Variants in NID1 observed in about 807,000 individuals in gnomAD.
NID1 encodes nidogen-1.
NID1 carries 76 observed loss-of-function variants against 130.6 expected under a neutral mutation model. The ratio of observed to expected loss-of-function variants is 0.58; its 90% CI spans 0.48 to 0.70. The LOEUF (loss-of-function observed/expected upper bound fraction) is 0.70. Among genes scored for constraint, NID1 ranks in the 30% least tolerant of loss-of-function variants. The pLI is 0.00. For synonymous variants in NID1, 665 were observed against 675.1 expected, an observed-to-expected ratio of 0.98 and a Z score of 0.23; for missense variants, 1,517 against 1,664.8, an observed-to-expected ratio of 0.91 and a Z score of 1.54.
In NID1 at chr1:235,977,327, CT is replaced by C. The variant is rs1657290506; in HGVS notation, c.*539del. The C allele has an allele frequency of 6.5e-6, 1 of 153,368 alleles. No individual in the cohort carries two copies. Among genetic ancestry groups the C allele is most frequent in the South Asian group, 2.0e-4 (1 of 4,914 alleles). The allele number at this position is 153,368 out of a possible 1,614,324, so 9.5% of individuals were successfully genotyped here. ...TAGACAAGATGATGATGGTGAGGAACTGAGGAGTAAAACTATAGGACTATAA... is the reference window on the plus strand; with the variant it reads ...TAGACAAGATGATGATGGTGAGGAACGAGGAGTAAAACTATAGGACTATAA... On this transcript the variant is annotated 3_prime_UTR_variant, in exon 20 of 20. Transcript: ENST00000264187.
At chr1:235,993,077 G>C (rs1657803389) in intron 13 of NID1, among the ~76,000 whole-genome samples, 1 of 152,224 alleles carries the variant, frequency 6.6e-6, no homozygotes, top group Non-Finnish European at 1.5e-5. Context: ...TGGTCTTAGA[G>C]CCAGCTCATG....
At chr1:236,023,251 A>T (rs1053800422) in intron 9 of NID1, among the ~76,000 whole-genome samples, 1 of 151,946 alleles carries the variant, frequency 6.6e-6, no homozygotes, top group Non-Finnish European at 1.5e-5. Flanking sequence ...ACAAAATGTG[A>T]TATGTACATG....
intron 1 of NID1, among the ~76,000 whole-genome samples, chr1:236,060,166 C>T (rs1467512936): frequency 6.6e-6 from 1 of 151,848 alleles, no homozygotes; most frequent in Non-Finnish European, 1.5e-5. Context: ...TGCTAGTAGC[C>T]CATTTTCATG....
At chr1:235,990,409 C>T (rs1236972996) in intron 14 of NID1, among the ~76,000 whole-genome samples, 3 of 152,134 alleles carry the variant, frequency 2.0e-5, no homozygotes, top group Admixed American at 2.0e-4. Flanking sequence ...CTCATAGGAC[C>T]CTCACAGCCC....
rs540034773 is a variant in NID1 at position 236,052,002 on chromosome 1, A to G, written c.226-3013T>C. Among the ~76,000 whole-genome samples, 78 of 152,356 alleles carry G rather than the reference A, an allele frequency of 5.1e-4. 1 individual carries two copies. The highest frequency in any genetic ancestry group is 6.8e-3 in the Middle Eastern group (2 of 294). ...TCATATAACCCTCATTAGTATTTGC[A>G]TTGGAAAATTATTTTTCAGCTAATT... On this transcript the variant is annotated intron_variant, in intron 1 of 19. Transcript: ENST00000264187.
At chr1:236,055,511 G>A (rs1659875404) in intron 1 of NID1, among the ~76,000 whole-genome samples, 1 of 151,720 alleles carries the variant, frequency 6.6e-6, no homozygotes, top group Admixed American at 6.6e-5. Flanking sequence ...AACAGGTCTG[G>A]TGCAGTGGCT....
rs1659040692 is a variant in NID1 at position 236,029,662 on chromosome 1, C to T, written c.1626G>A (p.Glu542=). Residue 542 remains glutamate, a synonymous_variant, in exon 7 of 20, where the codon GAG becomes GAA. Transcript: ENST00000264187. ...VIKQRFSGID[E]HGHLTIDTEL... ...CCGTGTCGATGGTCAGGTGCCCATG[C>T]TCATCGATGCCGCTGAACCGCTGCT... 1.2e-6 allele frequency: 2 copies of T among 1,613,892 alleles called. No individual in the cohort carries two copies. The highest frequency in any genetic ancestry group is 1.7e-6 in the Non-Finnish European group (2 of 1,179,992).
intron 4 of NID1, among the ~76,000 whole-genome samples, chr1:236,041,453 G>T (rs1659448006): frequency 6.6e-6 from 1 of 152,104 alleles, no homozygotes; most frequent in African/African-American, 2.4e-5. Flanking sequence ...GACCTGGGAA[G>T]AAAAATAATC....
At position 236,042,001 on chromosome 1, in the gene NID1, C is replaced by G; in HGVS notation, c.1044G>C (p.Glu348Asp). 2 of 1,614,214 alleles carry G rather than the reference C, an allele frequency of 1.2e-6. No individual in the cohort carries two copies. The highest frequency in any genetic ancestry group is 1.7e-6 in the Non-Finnish European group (2 of 1,180,036). Residue 348 changes from glutamate to aspartate, a missense_variant, in exon 4 of 20, where the codon GAG becomes GAC. Physicochemically the swap from Glu to Asp is conservative, Grantham distance 45. Transcript: ENST00000264187. ...CTGCCAACTGGAAAGACCTGGTTCTCTCTGTGGGAGGTCCAAGGGGCCTTT... is the reference window on the plus strand; with the variant it reads ...CTGCCAACTGGAAAGACCTGGTTCTGTCTGTGGGAGGTCCAAGGGGCCTTT... ...ATERPLGPPT[E>D]RTRSFQLAVE...
At chr1:236,062,405 C>T (rs1271078404) in intron 1 of NID1, among the ~76,000 whole-genome samples, 5 of 152,058 alleles carry the variant, frequency 3.3e-5, no homozygotes, top group Admixed American at 1.3e-4. Flanking sequence ...GAGGCCAAGG[C>T]GGGCGGATCA....
At chr1:235,986,337 A>C (rs2025601) in intron 14 of NID1, among the ~76,000 whole-genome samples, 37,808 of 151,896 alleles carry the variant, frequency 0.25, 5,689 homozygotes, top group East Asian at 0.63. Flanking sequence ...ATCAAAAGTG[A>C]ATCTAGCAAG....
chr1:236,025,819 G>A (rs1432279651), intron 8 of NID1, 77 bp downstream of exon 8: 2 of 1,553,274 alleles, frequency 1.3e-6, no homozygotes, highest in Admixed American at 1.8e-5. Context: ...GAGAGTAAGA[G>A]ACCAAAAACA....
chr1:236,064,766 C>T, intron 1 of NID1, 89 bp downstream of exon 1: 1 of 1,292,416 alleles, frequency 7.7e-7, no homozygotes, highest in East Asian at 2.9e-5. Flanking sequence ...GGGTCCCCGC[C>T]TGCTACGCCC....
chr1:236,007,784 G>A (rs1427412458), intron 12 of NID1, among the ~76,000 whole-genome samples: 1 of 152,156 alleles, frequency 6.6e-6, no homozygotes, highest in Non-Finnish European at 1.5e-5. Flanking sequence ...CCTCATGAGA[G>A]TCCCTGGGTC....
intron 1 of NID1, 144 bp downstream of exon 1, chr1:236,064,710 CG>C: frequency 1.4e-6 from 1 of 710,858 alleles, no homozygotes; most frequent in South Asian, 1.7e-5. Flanking sequence ...CCTGCAGAGG[CG>C]GGAGACCCTG....
At chr1:236,042,582 G>C (rs1226345326) in intron 3 of NID1, among the ~76,000 whole-genome samples, 4 of 152,196 alleles carry the variant, frequency 2.6e-5, no homozygotes, top group African/African-American at 9.7e-5. Context: ...AATTCAACTT[G>C]CTCATCCTAA....
At chr1:236,032,362 C>A in intron 6 of NID1, 39 bp downstream of exon 6, 1 of 1,604,112 alleles carries the variant, frequency 6.2e-7, no homozygotes, top group Non-Finnish European at 8.5e-7. Context: ...CTAGGCACTA[C>A]TGTGTGACCC....
chr1:236,038,012 G>A, intron 5 of NID1, 92 bp downstream of exon 5: 1 of 1,423,378 alleles, frequency 7.0e-7, no homozygotes, highest in South Asian at 1.4e-5. Context: ...CACCTACGGA[G>A]ATGTGGGTAA....
chr1:235,993,908 T>A (rs1558424828), intron 12 of NID1, 36 bp from the exon 13 acceptor site: 1 of 1,584,206 alleles, frequency 6.3e-7, no homozygotes. Flanking sequence ...AGCTGTCAGG[T>A]GCGTCATCCG....
Sources: gnomAD v4.1 joint callset for allele counts (sites outside exome capture counted in the v4.1 genomes callset) on GRCh38, gnomAD v4.1.1 for gene constraint, MANE v1.5 for transcripts, NCBI Gene and HGNC (gene_info 2026-07-23, HGNC 2026-07-21) for gene names.